The following UBR2 variants were observed in gnomAD, a reference collection of about 807,000 sequenced individuals.
UBR2 encodes the protein ubiquitin protein ligase E3 component n-recognin 2.
A neutral mutation model predicts 247.9 loss-of-function variants in UBR2; 92 were observed. The ratio of observed to expected loss-of-function variants is 0.37; its 90% confidence interval spans 0.31 to 0.44. The LOEUF (loss-of-function observed/expected upper bound fraction) is 0.44. UBR2 is among the 20% of genes least tolerant of loss of function. The pLI is 1.00. For missense variants in UBR2, 1,613 were observed against 2,112.6 expected, an observed-to-expected ratio of 0.76 and a Z score of 4.64; for synonymous variants, 672 against 693.5, an observed-to-expected ratio of 0.97 and a Z score of 0.49.
rs199629048 is a variant in UBR2 at position 42,645,473 on chromosome 6, A to G, written c.2292A>G (p.Arg764=). 1.2e-6 allele frequency: 2 copies of G among 1,613,142 alleles called. No homozygotes were observed. Among genetic ancestry groups the G allele is most frequent in the East Asian group, 2.2e-5 (1 of 44,848 alleles). ...CTTTTCCATTTTTGACAGGAGAGAG[A>G]TTTAGTCCTGGAGTTGGACAGGTAA... ...LYLIIMLVGE[R]FSPGVGQVNA... Residue 764 remains arginine, a synonymous_variant, in exon 21 of 47, where the codon AGA becomes AGG. Coordinates refer to ENST00000372901, the MANE Select transcript of UBR2 (RefSeq NM_001363705.2).
At chr6:42,620,186 A>C in intron 11 of UBR2, 1 of 264,796 alleles carries the variant, frequency 3.8e-6, no homozygotes, top group Non-Finnish European at 5.8e-6. Context: ...TGGTTTTACC[A>C]GTCTTTTAAG....
chr6:42,682,745 A>G (rs1799130552), intron 42 of UBR2, among the ~76,000 whole-genome samples: 1 of 152,208 alleles, frequency 6.6e-6, no homozygotes, highest in Admixed American at 6.5e-5. Flanking sequence ...TGAATGTTCT[A>G]GCTCCAGATA....
chr6:42,676,191 G>A lies in UBR2; in HGVS notation c.4387G>A (p.Glu1463Lys). ...IIQILLTSCT[E>K]ENGMDQENPP... ...ACAGATCTTACTTACCTCATGTACA[G>A]GTAACTCTTGCCTTTTTGTCAGTTT... The change falls in exon 39 of 47, where the codon GAA (glutamate) becomes AAA (lysine). Residue 1463 changes from glutamate (E) to lysine (K), a missense_variant and splice_region_variant. This residue lies in a region of UBR2 where 1,524 missense variants were observed against 1,967.3 expected (regional missense o/e 0.77). Coordinates refer to ENST00000372901, the MANE Select transcript of UBR2 (RefSeq NM_001363705.2). The A allele has an allele frequency of 6.4e-7, 1 of 1,570,534 alleles. No homozygotes were observed. Among genetic ancestry groups the A allele is most frequent in the Non-Finnish European group, 8.6e-7 (1 of 1,165,658 alleles).
chr6:42,591,637 C>A (rs973023737), intron 2 of UBR2, among the ~76,000 whole-genome samples: 1 of 152,114 alleles, frequency 6.6e-6, no homozygotes, highest in Admixed American at 6.5e-5. Context: ...TTTAATTTCC[C>A]TTTTTAGTTA....
At position 42,565,897 on chromosome 6, in the gene UBR2, T is replaced by C. The variant is rs139748009; in HGVS notation, c.78+1500T>C. ...TTTAAACCTACTTACTTGTTTAGCC[T>C]AGGTCTGTTTTCATTTACTTTCTAC... On this transcript the variant is annotated intron_variant, in intron 1 of 46. Coordinates refer to ENST00000372901, the MANE Select transcript of UBR2 (RefSeq NM_001363705.2). Among the ~76,000 whole-genome samples the C allele has an allele frequency of 6.0e-3, 918 of 152,224 alleles. 7 individuals carry two copies. Among genetic ancestry groups the C allele is most frequent in the African/African-American group, 0.021 (863 of 41,540 alleles).
At chr6:42,588,170 T>C (rs529836472) in intron 2 of UBR2, among the ~76,000 whole-genome samples, 1 of 152,300 alleles carries the variant, frequency 6.6e-6, no homozygotes, top group South Asian at 2.1e-4. Context: ...CTCCATTAGC[T>C]CCTCTTTGGG....
At chr6:42,670,521 G>A in intron 35 of UBR2, 139 bp from the exon 36 acceptor site, 1 of 713,704 alleles carries the variant, frequency 1.4e-6, no homozygotes, top group Non-Finnish European at 2.2e-6. Flanking sequence ...TTTAATTCTT[G>A]TGAAATGACT....
At chr6:42,666,271 A>G (rs368991213) in intron 34 of UBR2, 26 bp downstream of exon 34, 11 of 1,562,622 alleles carry the variant, frequency 7.0e-6, no homozygotes, top group African/African-American at 6.8e-5. Flanking sequence ...TACTCCTTTA[A>G]TATTTGACCC....
chr6:42,598,673 A>G (rs1011753734), intron 4 of UBR2, among the ~76,000 whole-genome samples: 5 of 152,206 alleles, frequency 3.3e-5, no homozygotes, highest in African/African-American at 1.2e-4. Flanking sequence ...GGAGTCCATA[A>G]GGAATTTCTC....
intron 7 of UBR2, among the ~76,000 whole-genome samples, chr6:42,608,681 A>G (rs1027917636): frequency 6.6e-6 from 1 of 152,178 alleles, no homozygotes; most frequent in African/African-American, 2.4e-5. Flanking sequence ...TGTGTGTGAA[A>G]TGGTAGTTCA....
Position 42,644,283 on chromosome 6 carries a change from A to T in UBR2, c.2167A>T (p.Ile723Phe), listed in dbSNP as rs201243495. The T allele has an allele frequency of 1.2e-6, 2 of 1,613,642 alleles. No homozygotes were observed. The highest frequency in any genetic ancestry group is 1.7e-6 in the Non-Finnish European group (2 of 1,179,894). The change falls in exon 19 of 47, where the codon ATT becomes TTT. Residue 723 changes from isoleucine to phenylalanine, a missense_variant. Coordinates refer to ENST00000372901, the MANE Select transcript of UBR2 (RefSeq NM_001363705.2). ...IMLSRFELYQIFSTPDYGKRF... is the reference protein window; with the variant it reads ...IMLSRFELYQFFSTPDYGKRF... ...GCTCAGCCGCTTTGAACTTTATCAG[A>T]TTTTCAGTACTCCAGACTATGGAAA...
At position 42,564,754 on chromosome 6, in the gene UBR2, T is replaced by A. The variant is rs990175609; in HGVS notation, c.78+357T>A. Among the ~76,000 whole-genome samples, 3 of 152,324 alleles carry A rather than the reference T, an allele frequency of 2.0e-5. No homozygotes were observed. In the South Asian group the frequency reaches 6.2e-4, roughly 32 times the overall value. ...GGAAGAGGAGAAGAGACGCTTCTTG[T>A]GTTTTTGGTATAATCGCCCTAGTTT... On this transcript the variant is annotated intron_variant, in intron 1 of 46. Transcript: ENST00000372901.
chr6:42,635,198 G>A lies in UBR2; in HGVS notation c.1546-220G>A, dbSNP rs554067105. 5.9e-5 allele frequency among the ~76,000 whole-genome samples: 9 copies of A among 152,186 alleles called. No individual in the cohort carries two copies. The East Asian group carries it at 1.7e-3, about 29-fold the overall frequency. Reference sequence around the variant, plus strand: ...TCTTAGATGATACCTCTGAAATAATGTGTTTATTGGGATTTCTAAATTTAT... The same window carrying A: ...TCTTAGATGATACCTCTGAAATAATATGTTTATTGGGATTTCTAAATTTAT... On this transcript the variant is annotated intron_variant, in intron 13 of 46. Transcript: ENST00000372901.
intron 25 of UBR2, among the ~76,000 whole-genome samples, chr6:42,655,047 G>A (rs1287779307): frequency 1.3e-5 from 2 of 152,082 alleles, no homozygotes; most frequent in Non-Finnish European, 2.9e-5. Context: ...TGAATTGCTG[G>A]TCACAGCTGG....
At chr6:42,655,259 C>G (rs957632881) in intron 25 of UBR2, among the ~76,000 whole-genome samples, 1 of 152,120 alleles carries the variant, frequency 6.6e-6, no homozygotes, top group Non-Finnish European at 1.5e-5. Context: ...GGGCGGATCA[C>G]TTGAGGTCAG....
intron 39 of UBR2, 107 bp downstream of exon 39, chr6:42,676,298 A>G: frequency 3.2e-6 from 4 of 1,254,020 alleles, no homozygotes; most frequent in Non-Finnish European, 3.2e-6. Context: ...ACACATGAAT[A>G]AGGCTGTTTT....
chr6:42,608,812 GTCTTTT>G (rs879608057), intron 7 of UBR2, among the ~76,000 whole-genome samples: 6 of 151,884 alleles, frequency 4.0e-5, no homozygotes, highest in Admixed American at 3.3e-4. Context: ...CTGTTGGATT[GTCTTTT>G]TCTTATTCAT....
chr6:42,681,080 G>A (rs536818143), intron 42 of UBR2, among the ~76,000 whole-genome samples: 4 of 151,096 alleles, frequency 2.6e-5, no homozygotes, highest in African/African-American at 7.3e-5. Context: ...GGAGAATGGC[G>A]TGAACCCGGG....
intron 38 of UBR2, among the ~76,000 whole-genome samples, 192 bp downstream of exon 38, chr6:42,674,385 G>A (rs963181393): frequency 1.4e-4 from 22 of 152,142 alleles, no homozygotes; most frequent in African/African-American, 5.1e-4. Context: ...CCTGGTTATC[G>A]AGACGTCCTC....
Sources: allele counts gnomAD v4.1 joint callset (sites outside exome capture counted in the v4.1 genomes callset), GRCh38; gene constraint gnomAD v4.1.1; regional missense constraint gnomAD v4.1.1; transcripts MANE v1.5; gene names NCBI Gene and HGNC (gene_info 2026-07-23, HGNC 2026-07-21).